The following C19orf38 variants were observed in gnomAD, a reference collection of about 807,000 sequenced individuals.
C19orf38 encodes protein HIDE1.
A neutral mutation model predicts 26.6 loss-of-function variants in C19orf38; 14 were observed. That is an observed-to-expected ratio of 0.53 (90% confidence interval 0.35 to 0.82). C19orf38 has a LOEUF of 0.82. Among genes scored for constraint, C19orf38 ranks in the 40% least tolerant of loss-of-function variants. The pLI, the probability that C19orf38 is intolerant of heterozygous loss-of-function variation, is 0.01. For missense variants in C19orf38, 261 were observed against 299.5 expected, an observed-to-expected ratio of 0.87 and a Z score of 0.95; for synonymous variants, 132 against 128.5, an observed-to-expected ratio of 1.03 and a Z score of -0.18.
intron 6 of C19orf38, among the ~76,000 whole-genome samples, chr19:10,865,872 G>A (rs544769609): frequency 2.0e-5 from 3 of 151,896 alleles, no homozygotes; most frequent in Admixed American, 1.3e-4. Context: ...GAGTGCAGGG[G>A]CACCATCATA....
upstream of C19orf38, chr19:10,848,332 A>C: frequency 3.2e-6 from 2 of 628,594 alleles, no homozygotes; most frequent in Non-Finnish European, 2.9e-6. Context: ...TGGGGAGGGG[A>C]GAGAGTCCCT....
At chr19:10,842,275 T>C in intron 1 of C19orf38, 6 of 1,071,818 alleles carry the variant, frequency 5.6e-6, no homozygotes, top group Non-Finnish European at 8.4e-6. Flanking sequence ...TTTTTTTTTT[T>C]TTTGAGACGG....
chr19:10,856,801 G>T (rs987000484), intron 3 of C19orf38, among the ~76,000 whole-genome samples: 3 of 150,736 alleles, frequency 2.0e-5, no homozygotes, highest in African/African-American at 7.3e-5. Context: ...ACAGTCCCCG[G>T]CCTAAAAATT....
chr19:10,850,130 G>A, intron 1 of C19orf38, 129 bp from the exon 2 acceptor site: 1 of 825,300 alleles, frequency 1.2e-6, no homozygotes, highest in Non-Finnish European at 1.8e-6. Context: ...GTGTGGGGTA[G>A]GGTCACTAGC....
Position 10,856,323 on chromosome 19 carries a change from T to A in C19orf38, c.399T>A (p.Ala133=), listed in dbSNP as rs1436441156. 1 of 1,551,356 alleles carries A rather than the reference T, an allele frequency of 6.4e-7. No individual in the cohort carries two copies. Among genetic ancestry groups the A allele is most frequent in the Non-Finnish European group, 8.7e-7 (1 of 1,146,704 alleles). Residue 133 remains alanine (A), a synonymous_variant, in exon 3 of 7, where the codon GCT becomes GCA. Transcript: ENST00000397820. Reference sequence around the variant, plus strand: ...TGGCTGGTGCCCTCTTCCTCCTTGCTGGGCTGGTGGCTGTTGCCCTGGTGG... The same window carrying A: ...TGGCTGGTGCCCTCTTCCTCCTTGCAGGGCTGGTGGCTGTTGCCCTGGTGG... ...LSLAGALFLL[A]GLVAVALVVR... is the part of the protein sequence containing the mutation.
chr19:10,854,127 A>G (rs1221840568), intron 2 of C19orf38, among the ~76,000 whole-genome samples: 3 of 150,792 alleles, frequency 2.0e-5, no homozygotes, highest in Non-Finnish European at 3.0e-5. Flanking sequence ...CAGTGGCCCA[A>G]TCTCGGCTCA....
At chr19:10,861,030 C>A (rs1171323574) in intron 5 of C19orf38, among the ~76,000 whole-genome samples, 1 of 151,758 alleles carries the variant, frequency 6.6e-6, no homozygotes, top group African/African-American at 2.4e-5. Context: ...GTAGTCCCAG[C>A]TACTTGGGAG....
chr19:10,847,541 T>C (rs2073528350), upstream of C19orf38, among the ~76,000 whole-genome samples: 1 of 151,492 alleles, frequency 6.6e-6, no homozygotes, highest in South Asian at 2.1e-4. Context: ...GCCCGGCTAA[T>C]TTTTTGTATA....
At chr19:10,857,917 AG>A (rs1465628680) in intron 3 of C19orf38, among the ~76,000 whole-genome samples, 1 of 149,628 alleles carries the variant, frequency 6.7e-6, no homozygotes, top group African/African-American at 2.5e-5. Context: ...AAAGAAAGAA[AG>A]AAAGAAAGAA....
chr19:10,856,058 C>T (rs997071745), intron 2 of C19orf38, among the ~76,000 whole-genome samples: 1 of 152,168 alleles, frequency 6.6e-6, no homozygotes, highest in Admixed American at 6.6e-5. Flanking sequence ...ATTGGCTCCA[C>T]TTGGGTTACA....
At chr19:10,866,097 G>A (rs1016509566) in intron 6 of C19orf38, among the ~76,000 whole-genome samples, 2 of 151,800 alleles carry the variant, frequency 1.3e-5, no homozygotes, top group African/African-American at 4.8e-5. Context: ...GTAAAGGGAT[G>A]TCATGATCTT....
At chr19:10,841,766 A>G in intron 1 of C19orf38, 1 of 803,260 alleles carries the variant, frequency 1.2e-6, no homozygotes, top group Non-Finnish European at 2.1e-6. Flanking sequence ...TGAGCCCAGG[A>G]GTTCCCGACT....
chr19:10,852,062 G>C (rs1471315551), intron 2 of C19orf38, among the ~76,000 whole-genome samples: 1 of 151,968 alleles, frequency 6.6e-6, no homozygotes, highest in African/African-American at 2.4e-5. Flanking sequence ...TGAGGCAGGA[G>C]GATCATTTGA....
chr19:10,849,030 C>T (rs1317154504), intron 1 of C19orf38, among the ~76,000 whole-genome samples: 1 of 152,002 alleles, frequency 6.6e-6, no homozygotes, highest in Non-Finnish European at 1.5e-5. Flanking sequence ...CTCCAAAATC[C>T]GTATTCTTCA....
At chr19:10,851,118 G>C (rs913769913) in intron 2 of C19orf38, among the ~76,000 whole-genome samples, 1 of 152,154 alleles carries the variant, frequency 6.6e-6, no homozygotes, top group African/African-American at 2.4e-5. Flanking sequence ...GCAGTGGCAC[G>C]ATCTTGGCTC....
intron 6 of C19orf38, among the ~76,000 whole-genome samples, chr19:10,866,626 C>T (rs1263303019): frequency 6.6e-6 from 1 of 151,708 alleles, no homozygotes; most frequent in African/African-American, 2.4e-5. Flanking sequence ...GCTTGGATTA[C>T]AGGCACATGC....
At chr19:10,855,658 A>G (rs538288336) in intron 2 of C19orf38, among the ~76,000 whole-genome samples, 2 of 152,238 alleles carry the variant, frequency 1.3e-5, no homozygotes, top group African/African-American at 4.8e-5. Flanking sequence ...CCTCCTGAGT[A>G]AGTGGGACTA....
intron 3 of C19orf38, among the ~76,000 whole-genome samples, chr19:10,857,339 C>CATATATATATATATATATATATATAT (rs1215628613): frequency 3.7e-5 from 2 of 54,028 alleles, no homozygotes; most frequent in Non-Finnish European, 6.0e-5. Flanking sequence ...CACACACATA[C>CATATATATATATATATATATATATAT]ATATATATAT....
At chr19:10,859,804 G>A (rs933680145) in intron 4 of C19orf38, 111 bp from the exon 5 acceptor site, 4 of 946,410 alleles carry the variant, frequency 4.2e-6, no homozygotes, top group Non-Finnish European at 6.6e-6. Context: ...AGTGGGTGGG[G>A]AGCAAAGGCT....
Sources: allele counts gnomAD v4.1 joint callset (sites outside exome capture counted in the v4.1 genomes callset), GRCh38; gene constraint gnomAD v4.1.1; transcripts MANE v1.5; gene names NCBI Gene and HGNC (gene_info 2026-07-23, HGNC 2026-07-21).